Variants in ZKSCAN5 observed in about 807,000 individuals in gnomAD.
ZKSCAN5 encodes zinc finger protein with KRAB and SCAN domains 5.
In ZKSCAN5, 28 loss-of-function variants were observed where a neutral mutation model predicts 60.0. That is an observed-to-expected ratio of 0.47 (90% CI 0.35 to 0.64). The LOEUF is 0.64. Among genes scored for constraint, ZKSCAN5 ranks in the 30% least tolerant of loss-of-function variants. The pLI is 0.01. For missense variants in ZKSCAN5, 881 were observed against 1,034.6 expected (o/e 0.85, Z 2.04); for synonymous variants, 361 against 371.2 (o/e 0.97, Z 0.31).
chr7:99,526,538 G>A (rs1801802280), intron 6 of ZKSCAN5, 120 bp downstream of exon 6: 7 of 1,450,926 alleles, frequency 4.8e-6, no homozygotes, highest in Non-Finnish European at 5.5e-6. Flanking sequence ...AAGAGGCAAA[G>A]GTTATCGTTT....
intron 5 of ZKSCAN5, among the ~76,000 whole-genome samples, chr7:99,523,320 G>A (rs557312909): frequency 2.0e-5 from 3 of 151,934 alleles, no homozygotes; most frequent in Non-Finnish European, 2.9e-5. Context: ...ACAAGGGGAG[G>A]AGGAAGTGAG....
intron 2 of ZKSCAN5, among the ~76,000 whole-genome samples, chr7:99,510,462 G>A (rs1282919858): frequency 6.7e-6 from 1 of 149,196 alleles, no homozygotes; most frequent in African/African-American, 2.5e-5. Context: ...ATTTTTTTTT[G>A]AGATGGAGTT....
At chr7:99,518,984 T>G (rs1801396436) in intron 3 of ZKSCAN5, among the ~76,000 whole-genome samples, 1 of 142,222 alleles carries the variant, frequency 7.0e-6, no homozygotes, top group Admixed American at 7.1e-5. Context: ...CCCACCTTTT[T>G]TTTTTTTTTG....
Position 99,506,187 on chromosome 7 carries a change from CTTT to C in ZKSCAN5, c.146_148del (p.Phe49del). The C allele has an allele frequency of 6.2e-7, 1 of 1,614,176 alleles. No homozygotes were observed. The highest frequency in any genetic ancestry group is 8.5e-7 in the Non-Finnish European group (1 of 1,180,038). On this transcript the variant is annotated inframe_deletion, in exon 2 of 7. Coordinates refer to ENST00000326775, the MANE Select transcript of ZKSCAN5 (RefSeq NM_145102.4). ...GAGTACAACCCGCCAACGTTTGAGA[CTTT>C]TTACCAGCGCTTCAGGCACTTCCAG...
intron 2 of ZKSCAN5, among the ~76,000 whole-genome samples, chr7:99,510,026 C>T (rs1800945653): frequency 2.0e-5 from 3 of 151,998 alleles, no homozygotes; most frequent in South Asian, 2.1e-4. Context: ...CTCACTGCAG[C>T]CTCGAACTCC....
chr7:99,513,658 GC>G (rs1383412270), intron 3 of ZKSCAN5: 1 of 172,782 alleles, frequency 5.8e-6, no homozygotes, highest in African/African-American at 2.4e-5. Context: ...CTGCCAAAGT[GC>G]TGGCATTAGA....
intron 2 of ZKSCAN5, among the ~76,000 whole-genome samples, chr7:99,509,754 C>G (rs1015810794): frequency 2.0e-5 from 3 of 152,222 alleles, no homozygotes; most frequent in Non-Finnish European, 2.9e-5. Flanking sequence ...GTGTAAGCCA[C>G]TGTGCCCGGC....
rs1001863229 is a variant in ZKSCAN5 at position 99,534,488 on chromosome 7, A to G, written c.*2239A>G. ...CAAGAGATCGAAACCATCCTGGCCA[A>G]CCAACATGGTGAAACCCGGTCTCTA... On this transcript the variant is annotated 3_prime_UTR_variant, in exon 7 of 7. Transcript: ENST00000326775. 2.0e-5 allele frequency: 3 copies of G among 152,180 alleles called. No homozygotes were observed. The highest frequency in any genetic ancestry group is 2.9e-5 in the Non-Finnish European group (2 of 68,126). The allele number at this position is 152,180 out of a possible 1,614,324, so 9.4% of individuals were successfully genotyped here. A position where few individuals can be genotyped will look rare whatever the true frequency, so the allele number is the denominator to read the frequency against.
chr7:99,533,603 C>G lies in ZKSCAN5; in HGVS notation c.*1354C>G, dbSNP rs1039638003. ...ATTGCCCTCAGGAGATGAGAGCCAT[C>G]TCACCTCACCCAGGAGTCACTTCCT... On this transcript the variant is annotated 3_prime_UTR_variant, in exon 7 of 7. Transcript: ENST00000326775. The G allele has an allele frequency of 2.5e-6, 1 of 408,030 alleles. No homozygotes were observed. Among genetic ancestry groups the G allele is most frequent in the Non-Finnish European group, 4.3e-6 (1 of 231,566 alleles). 25.3% of individuals were successfully genotyped at this position (408,030 alleles called of 1,614,324 possible).
chr7:99,506,160 A>C lies in ZKSCAN5; in HGVS notation c.116A>C (p.Gln39Pro). Residue 39 changes from glutamine to proline, a missense_variant, in exon 2 of 7, where the codon CAG (glutamine) becomes CCG (proline). Coordinates refer to ENST00000326775, the MANE Select transcript of ZKSCAN5 (RefSeq NM_145102.4). ...KVEEEDCTWM[Q>P]EYNPPTFETF... ...GAAGAAGAAGACTGCACCTGGATGC[A>C]GGAGTACAACCCGCCAACGTTTGAG... is the stretch of plus-strand genomic sequence containing the variant. 1.2e-6 allele frequency: 2 copies of C among 1,614,200 alleles called. No individual in the cohort carries two copies. Among genetic ancestry groups the C allele is most frequent in the Non-Finnish European group, 1.7e-6 (2 of 1,180,036 alleles).
intron 1 of ZKSCAN5, 129 bp from the exon 2 acceptor site, chr7:99,505,873 GGTC>G (rs952575118): frequency 4.5e-6 from 3 of 671,176 alleles, no homozygotes. Flanking sequence ...TTTGTTGAGT[GGTC>G]GTCTTTAGTA....
Position 99,506,015 on chromosome 7 carries a change from C to T in ZKSCAN5, c.-30C>T, listed in dbSNP as rs1368896624. Reference sequence around the variant, plus strand: ...AAACAATTGTTTCAGTGTAACACAGCCAGCCTCGAAGACTTCCCTCTGAGT... The same window carrying T: ...AAACAATTGTTTCAGTGTAACACAGTCAGCCTCGAAGACTTCCCTCTGAGT... On this transcript the variant is annotated 5_prime_UTR_variant, in exon 2 of 7. Transcript: ENST00000326775. The T allele has an allele frequency of 6.2e-7, 1 of 1,601,392 alleles. No homozygotes were observed. Among genetic ancestry groups the T allele is most frequent in the Non-Finnish European group, 8.5e-7 (1 of 1,172,546 alleles).
chr7:99,519,903 G>A lies in ZKSCAN5; in HGVS notation c.630G>A (p.Gly210=), dbSNP rs114541858. Residue 210 remains glycine, a synonymous_variant, in exon 4 of 7, where the codon GGG becomes GGA. Coordinates refer to ENST00000326775, the MANE Select transcript of ZKSCAN5 (RefSeq NM_145102.4). The part of the protein sequence containing the change: ...QELTASLLST[G]SQKLVKIEEV... Reference sequence around the variant, plus strand: ...TGACAGCTTCACTTCTCTCAACTGGGTCCCAGGTGAGCTGGTGCCCCTTTG... The same window carrying A: ...TGACAGCTTCACTTCTCTCAACTGGATCCCAGGTGAGCTGGTGCCCCTTTG... 13 of 1,614,038 alleles carry A rather than the reference G, an allele frequency of 8.1e-6. No homozygotes were observed. Among genetic ancestry groups the A allele is most frequent in the Non-Finnish European group, 1.0e-5 (12 of 1,180,010 alleles).
chr7:99,511,926 A>C (rs1337080786), intron 2 of ZKSCAN5, among the ~76,000 whole-genome samples: 1 of 151,958 alleles, frequency 6.6e-6, no homozygotes, highest in African/African-American at 2.4e-5. Flanking sequence ...AGTAGCTGGG[A>C]CTACAGGCGC....
rs3138 is a variant in ZKSCAN5 at position 99,533,134 on chromosome 7, G to A, written c.*885G>A. 4,424 of 462,810 alleles carry A rather than the reference G, an allele frequency of 9.6e-3. 42 individuals carry two copies. The highest frequency in any genetic ancestry group is 0.012 in the Non-Finnish European group (2,849 of 229,956). 28.7% of individuals were successfully genotyped at this position (462,810 alleles called of 1,614,324 possible). On this transcript the variant is annotated 3_prime_UTR_variant, in exon 7 of 7. Transcript: ENST00000326775. ...GGACCAAGGCGAATTACGAGTCCTG[G>A]TCCCAGCAGTATGTGTGCTGACTTC...
intron 2 of ZKSCAN5, among the ~76,000 whole-genome samples, chr7:99,509,642 A>G (rs573109851): frequency 2.7e-5 from 4 of 150,806 alleles, no homozygotes; most frequent in South Asian, 4.2e-4. Context: ...AATTTCCTGT[A>G]TTTCTAGTAG....
chr7:99,521,083 T>C (rs957682678), intron 5 of ZKSCAN5, among the ~76,000 whole-genome samples: 3 of 152,190 alleles, frequency 2.0e-5, no homozygotes, highest in Non-Finnish European at 4.4e-5. Flanking sequence ...CCTGCAAACA[T>C]TTTGGAGATT....
In ZKSCAN5 at chr7:99,534,673, C is replaced by CT. The variant is rs1802176824; in HGVS notation, c.*2425dup. 2.0e-5 allele frequency: 1 copy of CT among 50,200 alleles called. No homozygotes were observed. The highest frequency in any genetic ancestry group is 3.4e-5 in the Non-Finnish European group (1 of 29,432). The allele number at this position is 50,200 out of a possible 1,614,324, so 3.1% of individuals were successfully genotyped here. Reference sequence around the variant, plus strand: ...AGCCCAGTTGACAGAGCGACAGTGTCTAAAAAAAAAAAAAAAAAAAAAAAA... The same window carrying CT: ...AGCCCAGTTGACAGAGCGACAGTGTCTTAAAAAAAAAAAAAAAAAAAAAAAA... On this transcript the variant is annotated 3_prime_UTR_variant, in exon 7 of 7. Coordinates refer to ENST00000326775, the MANE Select transcript of ZKSCAN5 (RefSeq NM_145102.4).
chr7:99,526,400 A>G lies in ZKSCAN5; in HGVS notation c.1360A>G (p.Arg454Gly). The part of the protein sequence containing the change: ...HLIEHLKRHF[R>G]EKSQRCSDKR... ...GATCGAACACCTAAAACGCCACTTC[A>G]GGGAGAAATCCCAGAGATGTACGTG... The change falls in exon 6 of 7, where the codon AGG (arginine) becomes GGG (glycine). Residue 454 changes from arginine (R) to glycine (G), a missense_variant. This residue lies in a region of ZKSCAN5 where 490 missense variants were observed against 554.5 expected (regional missense o/e 0.88). Coordinates refer to ENST00000326775, the MANE Select transcript of ZKSCAN5 (RefSeq NM_145102.4). 6.3e-7 allele frequency: 1 copy of G among 1,599,952 alleles called. No homozygotes were observed. The highest frequency in any genetic ancestry group is 8.5e-7 in the Non-Finnish European group (1 of 1,179,496).
Sources: gnomAD v4.1 joint callset for allele counts (sites outside exome capture counted in the v4.1 genomes callset) on GRCh38, gnomAD v4.1.1 for gene constraint, gnomAD v4.1.1 regional missense constraint, MANE v1.5 for transcripts, NCBI Gene and HGNC (gene_info 2026-07-23, HGNC 2026-07-21) for gene names.